Variants in NGF observed in about 807,000 individuals in gnomAD.
NGF encodes beta-nerve growth factor.
NGF carries 4 observed loss-of-function variants against 12.8 expected under a neutral mutation model. That is an observed-to-expected ratio of 0.31 (90% CI 0.15 to 0.72). The LOEUF is 0.72. Ranked by LOEUF, NGF falls within the 30% of genes least tolerant of loss-of-function variation. The pLI, the probability that NGF is intolerant of heterozygous loss-of-function variation, is 0.69. For synonymous variants in NGF, 140 were observed against 130.0 expected, an observed-to-expected ratio of 1.08 and a Z score of -0.52; for missense variants, 283 against 330.8, an observed-to-expected ratio of 0.86 and a Z score of 1.12.
chr1:115,301,733 T>A (rs1419591116), intron 1 of NGF, among the ~76,000 whole-genome samples: 2 of 152,224 alleles, frequency 1.3e-5, no homozygotes, highest in Non-Finnish European at 2.9e-5. Flanking sequence ...AGTAACAAAC[T>A]GAAACGTTTG....
At chr1:115,312,402 G>A (rs1654357989) in intron 1 of NGF, among the ~76,000 whole-genome samples, 1 of 152,078 alleles carries the variant, frequency 6.6e-6, no homozygotes, top group South Asian at 2.1e-4. Flanking sequence ...TACTAGACAA[G>A]TATAAGGCAT....
At chr1:115,328,576 G>T (rs551014122) in intron 1 of NGF, among the ~76,000 whole-genome samples, 8 of 152,320 alleles carry the variant, frequency 5.3e-5, no homozygotes, top group Non-Finnish European at 8.8e-5. Flanking sequence ...TAGACTCTCT[G>T]CTCTGGGCAG....
intron 1 of NGF, among the ~76,000 whole-genome samples, chr1:115,328,386 C>A (rs1654829275): frequency 6.6e-6 from 1 of 152,046 alleles, no homozygotes; most frequent in Non-Finnish European, 1.5e-5. Flanking sequence ...CACTGGGAAC[C>A]AAAGGTCTGA....
rs780222620 is a variant in NGF at position 115,293,680 on chromosome 1, C to T, written c.-66G>A. 45 of 152,878 alleles carry T rather than the reference C, an allele frequency of 2.9e-4. No homozygotes were observed. The highest frequency in any genetic ancestry group is 1.5e-4 in the Non-Finnish European group (10 of 68,284). The allele number at this position is 152,878 out of a possible 1,614,324, so 9.5% of individuals were successfully genotyped here. ...CCCTTGGTAAAACTGTTATTGGGTC[C>T]GGACGCTGAGCTGAGCTTGGGTCCA... is the stretch of plus-strand genomic sequence containing the variant. On this transcript the variant is annotated 5_prime_UTR_variant, in exon 2 of 3. Transcript: ENST00000369512.
intron 1 of NGF, among the ~76,000 whole-genome samples, chr1:115,311,746 A>G (rs1279138222): frequency 6.6e-6 from 1 of 152,228 alleles, no homozygotes; most frequent in African/African-American, 2.4e-5. Flanking sequence ...TCTCAAATAC[A>G]TAAAGCATCA....
At chr1:115,301,197 A>T (rs996944936) in intron 1 of NGF, among the ~76,000 whole-genome samples, 2 of 152,228 alleles carry the variant, frequency 1.3e-5, no homozygotes, top group African/African-American at 4.8e-5. Flanking sequence ...AGACCCACAG[A>T]GAGCATCTGT....
chr1:115,331,337 T>C (rs957575316), intron 1 of NGF, among the ~76,000 whole-genome samples: 1 of 152,202 alleles, frequency 6.6e-6, no homozygotes, highest in Non-Finnish European at 1.5e-5. Context: ...CCAGGACTCC[T>C]GTAAAATCCT....
chr1:115,302,674 A>C (rs1571080871), intron 1 of NGF, among the ~76,000 whole-genome samples: 1 of 152,334 alleles, frequency 6.6e-6, no homozygotes, highest in South Asian at 2.1e-4. Context: ...AAGGCCCTCC[A>C]GGGACTCTTT....
chr1:115,293,901 G>T (rs564847473), intron 1 of NGF, among the ~76,000 whole-genome samples, 151 bp from the exon 2 acceptor site: 2 of 152,282 alleles, frequency 1.3e-5, no homozygotes, highest in South Asian at 4.1e-4. Flanking sequence ...CTAGAATTTG[G>T]CTACCAAAAT....
At chr1:115,321,475 C>T (rs181131747) in intron 1 of NGF, among the ~76,000 whole-genome samples, 1 of 152,010 alleles carries the variant, frequency 6.6e-6, no homozygotes, top group East Asian at 1.9e-4. Flanking sequence ...ATTCTTTCAA[C>T]ACTAGGATTC....
chr1:115,286,121 T>A lies in NGF; in HGVS notation c.675A>T (p.Ile225=). 1 of 1,613,568 alleles carries A rather than the reference T, an allele frequency of 6.2e-7. No individual in the cohort carries two copies. The highest frequency in any genetic ancestry group is 1.1e-5 in the South Asian group (1 of 91,026). ...GKQAAWRFIR[I]DTACVCVLSR... The stretch of plus-strand genomic sequence containing the variant: ...TGAGCACACACACACAGGCCGTATC[T>A]ATCCGGATAAACCGCCAGGCAGCCT... The change falls in exon 3 of 3, where the codon ATA becomes ATT. Residue 225 remains isoleucine (I), a synonymous_variant. Transcript: ENST00000369512.
chr1:115,308,916 G>T (rs1355060426), intron 1 of NGF, among the ~76,000 whole-genome samples: 7 of 149,706 alleles, frequency 4.7e-5, no homozygotes, highest in Non-Finnish European at 7.4e-5. Flanking sequence ...GCATGATATT[G>T]GTGTTAAAGA....
At chr1:115,290,843 C>A (rs1653673832) in intron 2 of NGF, among the ~76,000 whole-genome samples, 1 of 152,096 alleles carries the variant, frequency 6.6e-6, no homozygotes, top group Non-Finnish European at 1.5e-5. Flanking sequence ...TAGGTAACTC[C>A]TCCTCTAAGA....
intron 1 of NGF, among the ~76,000 whole-genome samples, chr1:115,304,629 T>C (rs1654145724): frequency 6.6e-6 from 1 of 152,132 alleles, no homozygotes; most frequent in African/African-American, 2.4e-5. Flanking sequence ...ACAAGTGGAC[T>C]TTGTGCTTAG....
At chr1:115,293,543 C>T (rs956915404) in intron 2 of NGF, 84 bp downstream of exon 2, 10 of 152,714 alleles carry the variant, frequency 6.5e-5, no homozygotes, top group South Asian at 6.2e-4. Flanking sequence ...GACTTGCCCT[C>T]TCAGGTCCTG....
intron 2 of NGF, among the ~76,000 whole-genome samples, chr1:115,290,692 C>T (rs1653668573): frequency 6.6e-6 from 1 of 152,134 alleles, no homozygotes; most frequent in Non-Finnish European, 1.5e-5. Context: ...ACGCCCTGCC[C>T]CTTCTCTATC....
chr1:115,295,424 GA>G (rs1463322476), intron 1 of NGF, among the ~76,000 whole-genome samples: 1 of 152,182 alleles, frequency 6.6e-6, no homozygotes, highest in African/African-American at 2.4e-5. Flanking sequence ...CTGTGACAAA[GA>G]ACATTTTCAT....
At chr1:115,300,696 A>T (rs1363903160) in intron 1 of NGF, among the ~76,000 whole-genome samples, 2 of 152,232 alleles carry the variant, frequency 1.3e-5, no homozygotes, top group Non-Finnish European at 2.9e-5. Context: ...GGCATGAAAG[A>T]GATAACTCAG....
At chr1:115,312,483 A>G (rs1484704275) in intron 1 of NGF, among the ~76,000 whole-genome samples, 1 of 152,196 alleles carries the variant, frequency 6.6e-6, no homozygotes, top group East Asian at 1.9e-4. Flanking sequence ...TATTTAGTGA[A>G]CAACTTGGGA....
Sources: gnomAD v4.1 joint callset for allele counts (sites outside exome capture counted in the v4.1 genomes callset) on GRCh38, gnomAD v4.1.1 for gene constraint, MANE v1.5 for transcripts, NCBI Gene and HGNC (gene_info 2026-07-23, HGNC 2026-07-21) for gene names.